The following ABR variants were observed in gnomAD, a reference collection of about 807,000 sequenced individuals.
The protein encoded by ABR is active breakpoint cluster region-related protein.
In ABR, 35 loss-of-function variants were observed where a neutral mutation model predicts 107.2. That is an observed-to-expected ratio of 0.33 (90% CI 0.25 to 0.43). The LOEUF is 0.43. Among genes scored for constraint, ABR ranks in the 20% least tolerant of loss-of-function variants. The pLI, the probability that ABR is intolerant of heterozygous loss-of-function variation, is 1.00. For synonymous variants in ABR, 498 were observed against 462.0 expected (o/e 1.08, Z -1.00); for missense variants, 815 against 1,115.2 (o/e 0.73, Z 3.83).
chr17:1,193,333 G>A (rs1016253322), intron 1 of ABR, among the ~76,000 whole-genome samples: 2 of 148,896 alleles, frequency 1.3e-5, no homozygotes, highest in African/African-American at 2.4e-5. Context: ...TTTGCTGAAC[G>A]CCCTTCGGCC....
rs576902101 is a variant in ABR at position 1,051,367 on chromosome 17, G to A, written c.1562-733C>T. Among the ~76,000 whole-genome samples, 24 of 152,132 alleles carry A rather than the reference G, an allele frequency of 1.6e-4. No individual in the cohort carries two copies. Among genetic ancestry groups the A allele is most frequent in the Non-Finnish European group, 2.4e-4 (16 of 68,006 alleles). ...AGGGCTGGGAACCCAGCTGGCACAC[G>A]GTGAACGAGGCTCCCACCACCACCA... is the stretch of plus-strand genomic sequence containing the variant. On this transcript the variant is annotated intron_variant, in intron 14 of 22. Coordinates refer to ENST00000302538, the MANE Select transcript of ABR (RefSeq NM_021962.5). This position sits in a 1 kb window ranked among gnomAD's most constrained non-coding sequence, Gnocchi z 4.3.
chr17:1,125,727 CCT>C (rs1192591722), intron 1 of ABR: 1 of 307,142 alleles, frequency 3.3e-6, no homozygotes, highest in Non-Finnish European at 5.9e-6. Flanking sequence ...TTCCAACTCT[CCT>C]CTCTGAGTCA....
At chr17:1,013,579 G>A (rs994762907) in intron 16 of ABR, among the ~76,000 whole-genome samples, 2 of 152,342 alleles carry the variant, frequency 1.3e-5, no homozygotes, top group South Asian at 2.1e-4. Flanking sequence ...ATTAGGAGGC[G>A]CTCAAGTCCA....
intron 1 of ABR, among the ~76,000 whole-genome samples, chr17:1,217,893 C>T (rs1283298514): frequency 1.3e-5 from 2 of 152,182 alleles, no homozygotes; most frequent in African/African-American, 4.8e-5. Flanking sequence ...CGGGGTTTCA[C>T]CATGTTGGCC....
At chr17:1,107,650 G>A (rs527390741) in intron 2 of ABR, among the ~76,000 whole-genome samples, 5 of 152,218 alleles carry the variant, frequency 3.3e-5, no homozygotes, top group Admixed American at 2.6e-4. Context: ...TCCTGGCTCA[G>A]GAGCAGACTT....
At chr17:1,008,289 G>A (rs887810042) in intron 21 of ABR, among the ~76,000 whole-genome samples, 1 of 152,204 alleles carries the variant, frequency 6.6e-6, no homozygotes, top group Non-Finnish European at 1.5e-5. Context: ...AATGTTTCTG[G>A]GCTGAGACCC....
intron 1 of ABR, among the ~76,000 whole-genome samples, chr17:1,132,222 C>T (rs1156584689): frequency 1.3e-5 from 2 of 150,954 alleles, no homozygotes. Flanking sequence ...CACAAAGACA[C>T]GCACACACAC....
At position 1,142,925 on chromosome 17, in the gene ABR, G is replaced by A. The variant is rs138535439; in HGVS notation, c.62-17558C>T. ...CCCAGCAAAGCGGCAACTGGAGGCC[G>A]GGCAGAGGCTGTGGGGCAGCTCACT... On this transcript the variant is annotated intron_variant, in intron 1 of 22. Transcript: ENST00000302538. Among the ~76,000 whole-genome samples, 964 of 152,240 alleles carry A rather than the reference G, an allele frequency of 6.3e-3. 6 individuals carry two copies. Among genetic ancestry groups the A allele is most frequent in the Non-Finnish European group, 9.4e-3 (641 of 67,998 alleles).
At chr17:1,183,894 C>T (rs904959704), upstream of ABR, among the ~76,000 whole-genome samples, 3 of 152,150 alleles carry the variant, frequency 2.0e-5, no homozygotes, top group Non-Finnish European at 2.9e-5. Context: ...AGTTTGCACC[C>T]TCACTGGCCC....
In ABR at chr17:1,160,334, G is replaced by A. The variant is rs142481625; in HGVS notation, c.61+19333C>T. 3.1e-3 allele frequency among the ~76,000 whole-genome samples: 467 copies of A among 151,386 alleles called. 2 individuals carry two copies. Among genetic ancestry groups the A allele is most frequent in the Admixed American group, 4.9e-3 (75 of 15,198 alleles). On this transcript the variant is annotated intron_variant, in intron 1 of 22. Coordinates refer to ENST00000302538, the MANE Select transcript of ABR (RefSeq NM_021962.5). ...AAAGGACTAACACAGCCTCTTATGG[G>A]CCAGGCACTCACACATTATTTAAGC...
At chr17:1,202,526 A>G (rs141306402) in intron 1 of ABR, among the ~76,000 whole-genome samples, 1 of 152,330 alleles carries the variant, frequency 6.6e-6, no homozygotes, top group East Asian at 1.9e-4. Context: ...ATGAAGTTGC[A>G]TTCAGAGTAT....
chr17:1,176,423 C>T (rs577856145), intron 1 of ABR, among the ~76,000 whole-genome samples: 1 of 152,364 alleles, frequency 6.6e-6, no homozygotes, highest in African/African-American at 2.4e-5. Flanking sequence ...TTCTAGGGTA[C>T]AACCTGAATT....
chr17:1,191,155 A>C (rs1339251323), upstream of ABR, among the ~76,000 whole-genome samples: 1 of 152,140 alleles, frequency 6.6e-6, no homozygotes, highest in African/African-American at 2.4e-5. Context: ...AAAACAAAGA[A>C]ATAAACAAAA....
chr17:1,185,662 A>T (rs2042269096), intron 1 of ABR, among the ~76,000 whole-genome samples: 1 of 147,916 alleles, frequency 6.8e-6, no homozygotes, highest in Non-Finnish European at 1.5e-5. Context: ...AATAAAAAAA[A>T]AAAAAAAAAA....
Position 1,010,534 on chromosome 17 carries a change from A to C in ABR, c.2236+195T>G. ...ACATCAGGGGCAAGAGGCAGGCGAG[A>C]AAGGGCCCAGTGTCTGCACCAGGTC... On this transcript the variant is annotated intron_variant, in intron 20 of 22. Coordinates refer to ENST00000302538, the MANE Select transcript of ABR (RefSeq NM_021962.5). This position sits in a 1 kb window ranked among gnomAD's most constrained non-coding sequence, Gnocchi z 4.1. 1 of 678,526 alleles carries C rather than the reference A, an allele frequency of 1.5e-6. No homozygotes were observed. The highest frequency in any genetic ancestry group is 2.4e-6 in the Non-Finnish European group (1 of 413,194). 42.0% of individuals were successfully genotyped at this position (678,526 alleles called of 1,614,324 possible).
At chr17:1,101,882 C>G (rs538338724) in intron 2 of ABR, among the ~76,000 whole-genome samples, 5 of 151,990 alleles carry the variant, frequency 3.3e-5, no homozygotes, top group Non-Finnish European at 7.4e-5. Context: ...TACAGGCTCC[C>G]GCCACCACGC....
chr17:1,066,871 C>T (rs968009210), intron 10 of ABR, among the ~76,000 whole-genome samples: 1 of 152,136 alleles, frequency 6.6e-6, no homozygotes, highest in Non-Finnish European at 1.5e-5. Context: ...CACTGCTTTC[C>T]AGGGCACTTC....
chr17:1,098,737 G>A (rs928307301), intron 3 of ABR, among the ~76,000 whole-genome samples: 7 of 152,150 alleles, frequency 4.6e-5, no homozygotes, highest in African/African-American at 7.2e-5. Flanking sequence ...AAACAGCTCC[G>A]TACACACAGA....
At chr17:1,056,707 A>C (rs2033316038) in intron 13 of ABR, among the ~76,000 whole-genome samples, 1 of 152,032 alleles carries the variant, frequency 6.6e-6, no homozygotes, top group African/African-American at 2.4e-5. Flanking sequence ...ACACCATTTT[A>C]TCTACCGGGT....
Sources: allele counts gnomAD v4.1 joint callset (sites outside exome capture counted in the v4.1 genomes callset), GRCh38; gene constraint gnomAD v4.1.1; non-coding constraint Gnocchi (gnomAD v3.1); transcripts MANE v1.5; gene names NCBI Gene and HGNC (gene_info 2026-07-23, HGNC 2026-07-21).